ELMO1: variants seen among roughly 807,000 people sequenced by gnomAD.
ELMO1 encodes the protein engulfment and cell motility protein 1.
In ELMO1, 26 loss-of-function variants were observed where a neutral mutation model predicts 98.9. The observed-to-expected ratio is 0.26, with a 90% CI of 0.19 to 0.36. The LOEUF (loss-of-function observed/expected upper bound fraction) is 0.36, where lower values mean the gene tolerates loss of function less well. Ranked by LOEUF, ELMO1 falls within the 10% of genes least tolerant of loss-of-function variation. The probability of loss-of-function intolerance (pLI) is 1.00; values close to 1 mark genes in which losing one functional copy is unlikely to be tolerated. For missense variants in ELMO1, 627 were observed against 935.2 expected, an observed-to-expected ratio of 0.67 and a Z score of 4.30; for synonymous variants, 346 against 346.0, an observed-to-expected ratio of 1.00 and a Z score of 0.00.
chr7:37,027,100 C>T (rs1276455325), intron 15 of ELMO1, among the ~76,000 whole-genome samples: 2 of 152,166 alleles, frequency 1.3e-5, no homozygotes, highest in Non-Finnish European at 2.9e-5. Context: ...CCACAAGCTT[C>T]ACCCACTGCC....
At chr7:37,362,416 G>A (rs1336088670) in intron 1 of ELMO1, among the ~76,000 whole-genome samples, 4 of 152,126 alleles carry the variant, frequency 2.6e-5, no homozygotes, top group Non-Finnish European at 5.9e-5. Flanking sequence ...GTAAGCCTGT[G>A]ATAAGCCACT....
At chr7:37,264,363 T>G (rs985945391) in intron 5 of ELMO1, among the ~76,000 whole-genome samples, 4 of 152,242 alleles carry the variant, frequency 2.6e-5, no homozygotes, top group Admixed American at 2.0e-4. Context: ...ACATATGTAT[T>G]CACACATTTG....
intron 18 of ELMO1, among the ~76,000 whole-genome samples, chr7:36,880,882 G>T (rs1804397451): frequency 6.6e-6 from 1 of 152,218 alleles, no homozygotes; most frequent in African/African-American, 2.4e-5. Flanking sequence ...GTTGATGTTT[G>T]TTTAAAGAAA....
intron 16 of ELMO1, chr7:36,919,434 A>T (rs1784962969): frequency 1.9e-6 from 1 of 525,608 alleles, no homozygotes; most frequent in Admixed American, 1.9e-5. Context: ...GAAGTAGCAT[A>T]GTAAACTAGG....
At chr7:37,287,467 TAACTACCATAATTTCTAA>T (rs1797452933) in intron 4 of ELMO1, among the ~76,000 whole-genome samples, 1 of 152,240 alleles carries the variant, frequency 6.6e-6, no homozygotes, top group Admixed American at 6.5e-5. Context: ...TAAGGTCTAA[TAACTACCATAATTTCTAA>T]TTAGGCATAA....
chr7:37,029,333 G>C (rs1261077393), intron 15 of ELMO1, among the ~76,000 whole-genome samples: 1 of 151,818 alleles, frequency 6.6e-6, no homozygotes, highest in Non-Finnish European at 1.5e-5. Context: ...TCAGGTTTTA[G>C]AATCTCTCAT....
chr7:37,071,897 C>T (rs150097728), intron 15 of ELMO1, among the ~76,000 whole-genome samples: 10 of 152,226 alleles, frequency 6.6e-5, no homozygotes, highest in African/African-American at 1.9e-4. Flanking sequence ...TACACACACA[C>T]GCACACGTGC....
intron 9 of ELMO1, among the ~76,000 whole-genome samples, chr7:37,223,970 GGAC>G (rs1282037780): frequency 1.9e-5 from 2 of 104,966 alleles, no homozygotes; most frequent in Non-Finnish European, 5.0e-5. Context: ...GTGACCTAAT[GGAC>G]CAGGGGCAAC....
intron 16 of ELMO1, among the ~76,000 whole-genome samples, chr7:37,000,993 T>C (rs1792630608): frequency 6.6e-6 from 1 of 151,814 alleles, no homozygotes; most frequent in Admixed American, 6.6e-5. Context: ...CCAACCAATC[T>C]TCTTGGAAAA....
chr7:37,416,696 A>G (rs1446394297), intron 1 of ELMO1, among the ~76,000 whole-genome samples: 1 of 152,238 alleles, frequency 6.6e-6, no homozygotes, highest in African/African-American at 2.4e-5. Context: ...AGTAAAGCTT[A>G]GCTCTAGATG....
At chr7:37,274,912 A>G (rs569879957) in intron 4 of ELMO1, among the ~76,000 whole-genome samples, 1 of 152,346 alleles carries the variant, frequency 6.6e-6, no homozygotes, top group East Asian at 1.9e-4. Context: ...TCCTAACAAA[A>G]GCAATAAACT....
At chr7:37,282,509 T>TATG (rs780858080) in intron 4 of ELMO1, among the ~76,000 whole-genome samples, 3 of 152,216 alleles carry the variant, frequency 2.0e-5, no homozygotes, top group Non-Finnish European at 2.9e-5. Flanking sequence ...GAGGGCAATA[T>TATG]ATGATACGCT....
At chr7:37,207,843 A>T (rs1287089472) in intron 13 of ELMO1, among the ~76,000 whole-genome samples, 3 of 152,112 alleles carry the variant, frequency 2.0e-5, no homozygotes, top group Admixed American at 2.0e-4. Context: ...TCTACCAAAA[A>T]CAAACAAACA....
chr7:37,107,753 C>T (rs2129273180), intron 14 of ELMO1, among the ~76,000 whole-genome samples: 1 of 152,320 alleles, frequency 6.6e-6, no homozygotes, highest in East Asian at 1.9e-4. Context: ...CAAAGTTAAC[C>T]ACCACATATA....
At chr7:37,177,833 T>C (rs1281171574) in intron 13 of ELMO1, among the ~76,000 whole-genome samples, 1 of 152,222 alleles carries the variant, frequency 6.6e-6, no homozygotes, top group African/African-American at 2.4e-5. Flanking sequence ...AATCTGTATC[T>C]ATGTTACTCT....
intron 1 of ELMO1, among the ~76,000 whole-genome samples, chr7:37,397,731 C>G (rs111686517): frequency 1.8e-4 from 28 of 152,298 alleles, no homozygotes; most frequent in Non-Finnish European, 3.1e-4. Context: ...TTCACAATAG[C>G]AAAGACATGG....
At chr7:37,388,231 A>G (rs1285461761) in intron 1 of ELMO1, among the ~76,000 whole-genome samples, 2 of 152,206 alleles carry the variant, frequency 1.3e-5, no homozygotes, top group Non-Finnish European at 2.9e-5. Context: ...GCCTCCTATG[A>G]GTGTGAAAGT....
chr7:37,311,548 AT>A (rs1398401952), intron 4 of ELMO1, among the ~76,000 whole-genome samples: 4 of 152,180 alleles, frequency 2.6e-5, no homozygotes, highest in African/African-American at 9.7e-5. Context: ...ATGGGAAAAA[AT>A]GTCTGTATTT....
At chr7:37,292,705 C>T (rs1234708344) in intron 4 of ELMO1, among the ~76,000 whole-genome samples, 22 of 43,176 alleles carry the variant, frequency 5.1e-4, no homozygotes, top group East Asian at 2.1e-3. Flanking sequence ...GGAGCGTCTC[C>T]GCCCGGCAGC....
Sources: gnomAD v4.1 joint callset for allele counts (sites outside exome capture counted in the v4.1 genomes callset) on GRCh38, gnomAD v4.1.1 for gene constraint, MANE v1.5 for transcripts, NCBI Gene and HGNC (gene_info 2026-07-23, HGNC 2026-07-21) for gene names.